The following DENND5A variants were observed in gnomAD, a reference collection of about 807,000 sequenced individuals.
DENND5A encodes DENN domain-containing protein 5A.
A neutral mutation model predicts 140.3 loss-of-function variants in DENND5A; 64 were observed. The observed-to-expected ratio is 0.46, with a 90% CI of 0.37 to 0.56. The LOEUF (loss-of-function observed/expected upper bound fraction) is 0.56, where lower values mean the gene tolerates loss of function less well. DENND5A is among the 20% of genes least tolerant of loss of function. DENND5A has a pLI of 0.00. For missense variants in DENND5A, 1,292 were observed against 1,593.8 expected (o/e 0.81, Z 3.22); for synonymous variants, 605 against 607.7 (o/e 1.00, Z 0.07).
chr11:9,142,762 C>A lies in DENND5A; in HGVS notation c.3471G>T (p.Ser1157=), dbSNP rs145302750. 9.9e-6 allele frequency: 16 copies of A among 1,613,992 alleles called. No individual in the cohort carries two copies. The Middle Eastern group carries it at 6.6e-4, about 66-fold the overall frequency. The change falls in exon 21 of 23, where the codon TCG becomes TCT. Residue 1157 remains serine (S), a synonymous_variant. Transcript: ENST00000328194. The part of the protein sequence containing the change: ...LEQAFQHGFK[S]PRLFKNVFIW... ...TGAAGACATTTTTGAAGAGCCGGGG[C>A]GATTTAAATCCATGCTGGAAAGCCT... is the stretch of plus-strand genomic sequence containing the variant.
intron 1 of DENND5A, among the ~76,000 whole-genome samples, chr11:9,227,346 A>G (rs1288497146): frequency 2.6e-5 from 4 of 152,114 alleles, no homozygotes; most frequent in Non-Finnish European, 5.9e-5. Context: ...TCACTTTTCT[A>G]TTGAGTTCCA....
chr11:9,257,684 G>C (rs188456412), intron 1 of DENND5A, among the ~76,000 whole-genome samples: 1 of 151,074 alleles, frequency 6.6e-6, no homozygotes, highest in African/African-American at 2.4e-5. Context: ...GGGTTTCACC[G>C]TGTTAGCCAG....
chr11:9,146,930 G>C (rs1847450200), intron 16 of DENND5A, 100 bp downstream of exon 16: 1 of 1,374,210 alleles, frequency 7.3e-7, no homozygotes, highest in African/African-American at 1.4e-5. Flanking sequence ...AAAGTACAAG[G>C]GATAATCTTC....
intron 5 of DENND5A, among the ~76,000 whole-genome samples, chr11:9,184,366 A>C (rs1848836151): frequency 6.6e-6 from 1 of 152,178 alleles, no homozygotes; most frequent in Admixed American, 6.5e-5. Context: ...AGAAAAAAAA[A>C]AAAGACATTT....
At chr11:9,243,694 TG>T (rs1201623577) in intron 1 of DENND5A, among the ~76,000 whole-genome samples, 2 of 152,160 alleles carry the variant, frequency 1.3e-5, no homozygotes. Context: ...GACACCAGCC[TG>T]GCCAATATGG....
intron 5 of DENND5A, among the ~76,000 whole-genome samples, chr11:9,184,731 C>T (rs953761621): frequency 5.3e-5 from 8 of 152,152 alleles, no homozygotes; most frequent in African/African-American, 9.7e-5. Context: ...GCATTTTTTA[C>T]GCAATGCCTG....
chr11:9,239,442 T>A (rs1229877826), intron 1 of DENND5A, among the ~76,000 whole-genome samples: 2 of 150,132 alleles, frequency 1.3e-5, no homozygotes, highest in African/African-American at 4.9e-5. Context: ...ACTCAAGCAA[T>A]CCTCCTGCCT....
At chr11:9,255,313 G>A (rs1008168585) in intron 1 of DENND5A, among the ~76,000 whole-genome samples, 4 of 151,986 alleles carry the variant, frequency 2.6e-5, no homozygotes, top group Admixed American at 6.5e-5. Context: ...AAACACGGCC[G>A]GGCGCGGTGG....
At chr11:9,147,229 G>A in intron 15 of DENND5A, 78 bp from the exon 16 acceptor site, 1 of 1,485,424 alleles carries the variant, frequency 6.7e-7, no homozygotes, top group Admixed American at 1.8e-5. Context: ...TCTGGAAGGA[G>A]ACAGCTAAGG....
At chr11:9,182,145 A>T (rs1848752745) in intron 5 of DENND5A, among the ~76,000 whole-genome samples, 1 of 152,112 alleles carries the variant, frequency 6.6e-6, no homozygotes, top group Non-Finnish European at 1.5e-5. Flanking sequence ...GTGAAACCCC[A>T]TCTCTGCTAA....
At chr11:9,178,396 A>T in intron 7 of DENND5A, 30 bp from the exon 8 acceptor site, 3 of 1,418,286 alleles carry the variant, frequency 2.1e-6, no homozygotes, top group Non-Finnish European at 3.0e-6. Context: ...GCAGTAATTG[A>T]CAGGGAAAAG....
intron 1 of DENND5A, among the ~76,000 whole-genome samples, chr11:9,245,018 C>T (rs1273901418): frequency 6.7e-6 from 1 of 148,760 alleles, no homozygotes; most frequent in Admixed American, 6.7e-5. Context: ...GGTGCGGTGG[C>T]TCATGCCTGT....
intron 1 of DENND5A, among the ~76,000 whole-genome samples, chr11:9,213,226 G>A (rs1218179266): frequency 2.0e-5 from 3 of 151,588 alleles, no homozygotes; most frequent in African/African-American, 7.3e-5. Flanking sequence ...GGCTGGTCTC[G>A]AACTCTTGAC....
chr11:9,234,721 G>A (rs545141823), intron 1 of DENND5A, among the ~76,000 whole-genome samples: 27 of 152,370 alleles, frequency 1.8e-4, no homozygotes, highest in African/African-American at 6.5e-4. Flanking sequence ...TGAGCGATCT[G>A]TGCCTTAAGG....
intron 5 of DENND5A, among the ~76,000 whole-genome samples, chr11:9,185,537 G>A (rs1188986733): frequency 6.6e-6 from 1 of 152,148 alleles, no homozygotes; most frequent in Non-Finnish European, 1.5e-5. Context: ...CACTGCAGGG[G>A]CTAGGGGAGG....
Position 9,213,234 on chromosome 11 carries a change from G to C in DENND5A, c.110-5602C>G, listed in dbSNP as rs975825409. On this transcript the variant is annotated intron_variant, in intron 1 of 22. Transcript: ENST00000328194. ...TTGGCCAGGCTGGTCTCGAACTCTT[G>C]ACCGCAGGCAATCCACCCGCCTCAG... Among the ~76,000 whole-genome samples, 7 of 151,872 alleles carry C rather than the reference G, an allele frequency of 4.6e-5. No individual in the cohort carries two copies. The East Asian group carries it at 1.4e-3, about 30-fold the overall frequency.
intron 1 of DENND5A, among the ~76,000 whole-genome samples, chr11:9,221,602 G>C (rs1179890041): frequency 7.2e-5 from 11 of 152,056 alleles, no homozygotes; most frequent in Non-Finnish European, 1.5e-4. Context: ...CTGACCTCAG[G>C]CAATCGGTCT....
chr11:9,232,615 G>C lies in DENND5A; in HGVS notation c.110-24983C>G, dbSNP rs190943362. On this transcript the variant is annotated intron_variant, in intron 1 of 22. Coordinates refer to ENST00000328194, the MANE Select transcript of DENND5A (RefSeq NM_015213.4). ...GGAGTAACCTACACTGTCGTGCACTGCAAGTGGGAATGTAAACTGGTACAA... is the reference window on the plus strand; with the variant it reads ...GGAGTAACCTACACTGTCGTGCACTCCAAGTGGGAATGTAAACTGGTACAA... 9.1e-4 allele frequency among the ~76,000 whole-genome samples: 139 copies of C among 152,288 alleles called. 2 individuals are homozygous for C. The highest frequency in any genetic ancestry group is 3.1e-3 in the African/African-American group (130 of 41,558).
chr11:9,164,846 CA>C (rs796352369), intron 11 of DENND5A, among the ~76,000 whole-genome samples: 41 of 152,170 alleles, frequency 2.7e-4, no homozygotes, highest in African/African-American at 9.9e-4. Flanking sequence ...TGTAAAATGT[CA>C]AAAATTTAAA....
Sources: gnomAD v4.1 joint callset for allele counts (sites outside exome capture counted in the v4.1 genomes callset) on GRCh38, gnomAD v4.1.1 for gene constraint, MANE v1.5 for transcripts, NCBI Gene and HGNC (gene_info 2026-07-23, HGNC 2026-07-21) for gene names.